Variants in LRRTM4 observed in about 807,000 individuals in gnomAD.
LRRTM4 encodes the protein leucine-rich repeat transmembrane neuronal protein 4.
LRRTM4 carries 25 observed loss-of-function variants against 47.6 expected under a neutral mutation model. The observed-to-expected ratio is 0.53, with a 90% CI of 0.38 to 0.73. LRRTM4 has a LOEUF of 0.73. LRRTM4 is among the 30% of genes least tolerant of loss of function. LRRTM4 has a pLI of 0.00. For synonymous variants in LRRTM4, 311 were observed against 269.5 expected (o/e 1.15, Z -1.51); for missense variants, 638 against 713.4 (o/e 0.89, Z 1.20).
chr2:76,939,727 C>T (rs1023553691), intron 3 of LRRTM4, among the ~76,000 whole-genome samples: 2 of 151,916 alleles, frequency 1.3e-5, no homozygotes, highest in African/African-American at 2.4e-5. Context: ...TTATGTTAGT[C>T]CTACATGCTC....
chr2:76,813,979 T>A (rs1419693633), intron 3 of LRRTM4, among the ~76,000 whole-genome samples: 2 of 152,148 alleles, frequency 1.3e-5, no homozygotes, highest in Non-Finnish European at 2.9e-5. Context: ...GATCCCACAT[T>A]ATGTTTAGCT....
At chr2:77,358,986 G>A (rs1457286993) in intron 3 of LRRTM4, among the ~76,000 whole-genome samples, 1 of 151,970 alleles carries the variant, frequency 6.6e-6, no homozygotes, top group Non-Finnish European at 1.5e-5. Flanking sequence ...AATGATGAAA[G>A]AATTTTACAT....
intron 3 of LRRTM4, among the ~76,000 whole-genome samples, chr2:77,335,494 T>C (rs139344629): frequency 2.6e-5 from 4 of 152,296 alleles, no homozygotes; most frequent in Non-Finnish European, 4.4e-5. Context: ...CTTCTTTAAG[T>C]ACGTTCTCAA....
At chr2:77,114,514 T>C (rs1304563374) in intron 3 of LRRTM4, among the ~76,000 whole-genome samples, 1 of 152,086 alleles carries the variant, frequency 6.6e-6, no homozygotes, top group Non-Finnish European at 1.5e-5. Context: ...CAGACGAACA[T>C]TTCTCTGCAC....
chr2:76,769,681 T>C (rs1276266262), intron 3 of LRRTM4, among the ~76,000 whole-genome samples: 2 of 152,140 alleles, frequency 1.3e-5, no homozygotes. Flanking sequence ...GACGCCAACA[T>C]ACTGAATTCG....
intron 3 of LRRTM4, among the ~76,000 whole-genome samples, chr2:77,277,507 AT>A (rs1676394508): frequency 6.6e-6 from 1 of 152,072 alleles, no homozygotes; most frequent in South Asian, 2.1e-4. Flanking sequence ...TGATATATGT[AT>A]TCTTCAGATT....
At chr2:76,953,942 G>C (rs939918789) in intron 3 of LRRTM4, among the ~76,000 whole-genome samples, 1 of 151,848 alleles carries the variant, frequency 6.6e-6, no homozygotes. Flanking sequence ...ACACCAGAGA[G>C]AGCAAGAGAC....
At chr2:77,019,299 T>C (rs1678185541) in intron 3 of LRRTM4, among the ~76,000 whole-genome samples, 1 of 150,670 alleles carries the variant, frequency 6.6e-6, no homozygotes, top group South Asian at 2.1e-4. Context: ...ACAGAGTGTA[T>C]TGACCCTGCT....
chr2:77,312,778 C>T (rs911068659), intron 3 of LRRTM4, among the ~76,000 whole-genome samples: 16 of 151,928 alleles, frequency 1.1e-4, no homozygotes, highest in East Asian at 1.9e-4. Context: ...AAGCAAATAC[C>T]CACTGAAATA....
Position 76,951,614 on chromosome 2 carries a change from T to TAAA in LRRTM4, c.1552-202699_1552-202698insTTT, listed in dbSNP as rs544331519. Among the ~76,000 whole-genome samples, 36 of 152,068 alleles carry TAAA rather than the reference T, an allele frequency of 2.4e-4. 1 individual carries two copies. The East Asian group carries it at 6.6e-3, about 28-fold the overall frequency. On this transcript the variant is annotated intron_variant, in intron 3 of 3. Transcript: ENST00000409884. ...AATTGCTGCTCAAACCTTCAGATAA[T>TAAA]AGATAATTTTTTTCTTTTACTTTAA...
intron 3 of LRRTM4, among the ~76,000 whole-genome samples, chr2:76,765,410 G>A (rs756338873): frequency 1.4e-4 from 21 of 152,172 alleles, no homozygotes; most frequent in Admixed American, 5.9e-4. Context: ...CAAACAGAAC[G>A]TAAAGTTTTG....
intron 3 of LRRTM4, among the ~76,000 whole-genome samples, chr2:77,295,386 A>G (rs868782361): frequency 2.6e-5 from 4 of 152,264 alleles, no homozygotes; most frequent in Non-Finnish European, 5.9e-5. Context: ...AAAAGCATAC[A>G]TTACTTAAAG....
At chr2:77,097,079 G>A (rs560193689) in intron 3 of LRRTM4, among the ~76,000 whole-genome samples, 1 of 151,888 alleles carries the variant, frequency 6.6e-6, no homozygotes, top group South Asian at 2.1e-4. Context: ...TGACAAGCTG[G>A]TAGGACAATA....
intron 3 of LRRTM4, among the ~76,000 whole-genome samples, chr2:77,029,540 G>T (rs1325904055): frequency 3.3e-5 from 5 of 152,110 alleles, no homozygotes; most frequent in African/African-American, 1.2e-4. Context: ...ACTTTCTTCT[G>T]CCTGCTTTAT....
intron 3 of LRRTM4, among the ~76,000 whole-genome samples, chr2:77,023,006 C>A (rs954535598): frequency 1.3e-5 from 2 of 152,250 alleles, no homozygotes; most frequent in African/African-American, 4.8e-5. Context: ...GAGCCCTGCT[C>A]CTGCAGCAAA....
intron 3 of LRRTM4, among the ~76,000 whole-genome samples, chr2:77,140,623 A>G (rs1184499124): frequency 6.6e-6 from 1 of 152,220 alleles, no homozygotes; most frequent in Non-Finnish European, 1.5e-5. Flanking sequence ...AAATTGACAA[A>G]TGGGATCTAA....
At position 76,991,140 on chromosome 2, in the gene LRRTM4, T is replaced by C. The variant is rs560215841; in HGVS notation, c.1552-242224A>G. Among the ~76,000 whole-genome samples the C allele has an allele frequency of 4.0e-5, 6 of 151,674 alleles. No homozygotes were observed. In the South Asian group the frequency reaches 1.0e-3, roughly 26 times the overall value. On this transcript the variant is annotated intron_variant, in intron 3 of 3. Transcript: ENST00000409884. ...ATACCAAAATCCCTGGGATGCAACA[T>C]AGGCAGTGTTAAGAGCAAAATTTTT...
At chr2:76,886,800 C>A (rs1357865037) in intron 3 of LRRTM4, among the ~76,000 whole-genome samples, 1 of 151,668 alleles carries the variant, frequency 6.6e-6, no homozygotes, top group African/African-American at 2.4e-5. Flanking sequence ...ACAATGCAAC[C>A]AAGACTCATT....
chr2:76,781,799 A>T (rs184708288), intron 3 of LRRTM4, among the ~76,000 whole-genome samples: 2,809 of 151,548 alleles, frequency 0.019, 99 homozygotes, highest in African/African-American at 0.063. Flanking sequence ...TGGCATTTCT[A>T]TTTTTTTTCC....
Sources: allele counts gnomAD v4.1 joint callset (sites outside exome capture counted in the v4.1 genomes callset), GRCh38; gene constraint gnomAD v4.1.1; transcripts MANE v1.5; gene names NCBI Gene and HGNC (gene_info 2026-07-23, HGNC 2026-07-21).